The following TENT4B variants were observed in gnomAD, a reference collection of about 807,000 sequenced individuals.
TENT4B encodes PAP associated domain containing 5.
In TENT4B, 10 loss-of-function variants were observed where a neutral mutation model predicts 75.0. The ratio of observed to expected loss-of-function variants is 0.13; its 90% CI spans 0.08 to 0.23. The LOEUF (loss-of-function observed/expected upper bound fraction) is 0.23, where lower values mean the gene tolerates loss of function less well. Ranked by LOEUF, TENT4B falls within the 10% of genes least tolerant of loss-of-function variation. The probability of loss-of-function intolerance (pLI) is 1.00; values close to 1 mark genes in which losing one functional copy is unlikely to be tolerated. For synonymous variants in TENT4B, 350 were observed against 357.7 expected, an observed-to-expected ratio of 0.98 and a Z score of 0.24; for missense variants, 579 against 893.8, an observed-to-expected ratio of 0.65 and a Z score of 4.49.
intron 1 of TENT4B, among the ~76,000 whole-genome samples, chr16:50,161,974 C>T (rs1343231546): frequency 2.0e-5 from 3 of 152,100 alleles, no homozygotes; most frequent in Admixed American, 6.5e-5. Context: ...TATAGCCGCA[C>T]GCACCCTTCC....
At position 50,225,200 on chromosome 16, in the gene TENT4B, C is replaced by G; in HGVS notation, c.1715C>G (p.Ser572Trp). ...EALGKCRSKT[S>W]ESLSKHSSNS... The stretch of plus-strand genomic sequence containing the variant: ...CTTGGAAAATGTAGAAGTAAAACCT[C>G]GGAATCTCTTAGTAAACACTCTTCA... Residue 572 changes from serine to tryptophan, a missense_variant, in exon 10 of 12, where the codon TCG (serine) becomes TGG (tryptophan). This residue lies in a region of TENT4B where 164 missense variants were observed against 226.5 expected (regional missense o/e 0.72). Transcript: ENST00000561678. The G allele has an allele frequency of 6.2e-7, 1 of 1,613,948 alleles. No individual in the cohort carries two copies. The highest frequency in any genetic ancestry group is 1.1e-5 in the South Asian group (1 of 91,082).
rs2032341272 is a variant in TENT4B at position 50,233,034 on chromosome 16, C to G, written c.*3706C>G. On this transcript the variant is annotated 3_prime_UTR_variant, in exon 12 of 12. Coordinates refer to ENST00000561678, the MANE Select transcript of TENT4B (RefSeq NM_001365324.3). ...ATTCTTGTTCTCCTAGTTCATTAAA[C>G]TTTCAGTTATTGGAAAGGCACATTC... is the stretch of plus-strand genomic sequence containing the variant. 1.0e-6 allele frequency: 1 copy of G among 984,728 alleles called. No individual in the cohort carries two copies. The allele number at this position is 984,728 out of a possible 1,614,324, so 61.0% of individuals were successfully genotyped here.
intron 1 of TENT4B, among the ~76,000 whole-genome samples, chr16:50,163,417 CT>C (rs559720798): frequency 0.028 from 3,763 of 132,938 alleles, 35 homozygotes; most frequent in African/African-American, 0.061. Context: ...GATATAATTT[CT>C]TTTTTTTTTT....
At chr16:50,183,992 T>C (rs1446714669) in intron 1 of TENT4B, among the ~76,000 whole-genome samples, 1 of 152,206 alleles carries the variant, frequency 6.6e-6, no homozygotes, top group African/African-American at 2.4e-5. Flanking sequence ...CCAGAATAAG[T>C]TGTAGAACAT....
chr16:50,203,163 A>G (rs922751779), intron 1 of TENT4B, among the ~76,000 whole-genome samples: 2 of 152,242 alleles, frequency 1.3e-5, no homozygotes, highest in Non-Finnish European at 2.9e-5. Context: ...TGCAGCATTC[A>G]TAAAAGTAAG....
At chr16:50,160,693 G>A (rs755020736) in intron 1 of TENT4B, among the ~76,000 whole-genome samples, 9 of 152,240 alleles carry the variant, frequency 5.9e-5, no homozygotes, top group African/African-American at 2.2e-4. Flanking sequence ...CACAGGAAGG[G>A]TATAGACGTC....
intron 1 of TENT4B, among the ~76,000 whole-genome samples, chr16:50,211,095 C>T (rs1163248907): frequency 3.3e-5 from 5 of 152,134 alleles, no homozygotes; most frequent in Non-Finnish European, 7.3e-5. Context: ...ATTTAAATCA[C>T]CAGCACCCCA....
In TENT4B at chr16:50,233,669, GTC is replaced by G; in HGVS notation, c.*4346_*4347del. 3 of 975,198 alleles carry G rather than the reference GTC, an allele frequency of 3.1e-6. No homozygotes were observed. The highest frequency in any genetic ancestry group is 9.7e-5 in the South Asian group (2 of 20,566). The allele number at this position is 975,198 out of a possible 1,614,324, so 60.4% of individuals were successfully genotyped here. ...ATAAACTGCTAATGTTTATTTTACT[GTC>G]TCTCAGGTTTTTGGTTTTTTTAAAA... On this transcript the variant is annotated 3_prime_UTR_variant, in exon 12 of 12. Coordinates refer to ENST00000561678, the MANE Select transcript of TENT4B (RefSeq NM_001365324.3).
Position 50,230,149 on chromosome 16 carries a change from T to C in TENT4B, c.*821T>C. 2 of 985,158 alleles carry C rather than the reference T, an allele frequency of 2.0e-6. No homozygotes were observed. The highest frequency in any genetic ancestry group is 2.4e-6 in the Non-Finnish European group (2 of 829,728). 61.0% of individuals were successfully genotyped at this position (985,158 alleles called of 1,614,324 possible). ...AAAAAAAAAATGTACTATGTACTTT[T>C]GTGTAAACACTGAAAAATCTCTGGT... On this transcript the variant is annotated 3_prime_UTR_variant, in exon 12 of 12. Transcript: ENST00000561678.
chr16:50,226,843 C>T (rs914273677), intron 10 of TENT4B, among the ~76,000 whole-genome samples: 1 of 152,186 alleles, frequency 6.6e-6, no homozygotes, highest in Non-Finnish European at 1.5e-5. Flanking sequence ...ATTTCCATCA[C>T]CCCAAGAAGA....
At chr16:50,211,570 A>G (rs1183107634) in intron 2 of TENT4B, 124 bp downstream of exon 2, 3 of 1,145,738 alleles carry the variant, frequency 2.6e-6, no homozygotes, top group East Asian at 3.3e-5. Flanking sequence ...GTTGTGGTCT[A>G]ATTAAATTTT....
intron 2 of TENT4B, among the ~76,000 whole-genome samples, chr16:50,211,791 C>T (rs1380363877): frequency 6.6e-6 from 1 of 152,158 alleles, no homozygotes; most frequent in African/African-American, 2.4e-5. Context: ...ATCAAAACCT[C>T]ATTACTACTT....
chr16:50,168,229 G>GTTCATTTTTCTTTTGAATTACTGCCTTTT (rs1192959257), intron 1 of TENT4B, among the ~76,000 whole-genome samples: 9 of 151,064 alleles, frequency 6.0e-5, no homozygotes, highest in African/African-American at 1.9e-4. Flanking sequence ...TACTGCCTTT[G>GTTCATTTTTCTTTTGAATTACTGCCTTTT]TTCATTTTTC....
chr16:50,222,419 A>G lies in TENT4B; in HGVS notation c.1152A>G (p.Ala384=), dbSNP rs1305524366. The change falls in exon 6 of 12, where the codon GCA becomes GCG. Residue 384 remains alanine (A), a synonymous_variant. Coordinates refer to ENST00000561678, the MANE Select transcript of TENT4B (RefSeq NM_001365324.3). ...GTTCTTATAGTCTCTTTTTAATGGC[A>G]GTCAGTTTCCTTCAGGTAAGTCATA... ...GIGSYSLFLM[A]VSFLQLHPRE... 1 of 1,613,356 alleles carries G rather than the reference A, an allele frequency of 6.2e-7. No individual in the cohort carries two copies. The highest frequency in any genetic ancestry group is 8.5e-7 in the Non-Finnish European group (1 of 1,179,668).
chr16:50,222,230 C>G (rs933995384), intron 5 of TENT4B, 76 bp from the exon 6 acceptor site: 2 of 1,339,782 alleles, frequency 1.5e-6, no homozygotes, highest in Non-Finnish European at 2.0e-6. Context: ...AATGTAAGGA[C>G]CAATTTATGC....
At position 50,164,598 on chromosome 16, in the gene TENT4B, C is replaced by T. The variant is rs772590441; in HGVS notation, c.638+10339C>T. On this transcript the variant is annotated intron_variant, in intron 1 of 11. Coordinates refer to ENST00000561678, the MANE Select transcript of TENT4B (RefSeq NM_001365324.3). The stretch of plus-strand genomic sequence containing the variant: ...CTGGGATTACAGGTGTGAGCCACTG[C>T]GCCTGGCCTGTTGTTGTTTAAATAA... 2.6e-5 allele frequency among the ~76,000 whole-genome samples: 4 copies of T among 152,228 alleles called. No individual in the cohort carries two copies. In the South Asian group the frequency reaches 6.2e-4, roughly 24 times the overall value.
At chr16:50,176,643 A>G (rs2038317061) in intron 1 of TENT4B, among the ~76,000 whole-genome samples, 1 of 150,926 alleles carries the variant, frequency 6.6e-6, no homozygotes, top group Non-Finnish European at 1.5e-5. Context: ...AGCAGCTGGG[A>G]CTACAGGCAT....
rs1485548996 is a variant in TENT4B at position 50,234,080 on chromosome 16, G to GTATTTTGGGGGAATGT, written c.*4758_*4773dup. The GTATTTTGGGGGAATGT allele has an allele frequency of 1.0e-6, 1 of 985,394 alleles. No individual in the cohort carries two copies. Among genetic ancestry groups the GTATTTTGGGGGAATGT allele is most frequent in the East Asian group, 1.1e-4 (1 of 8,816 alleles). 61.0% of individuals were successfully genotyped at this position (985,394 alleles called of 1,614,324 possible). ...GGTCTCTCCTAAGGACAGTCTGGAC[G>GTATTTTGGGGGAATGT]TATTTTGGGGGAATGTTATTTATCT... is the stretch of plus-strand genomic sequence containing the variant. On this transcript the variant is annotated 3_prime_UTR_variant, in exon 12 of 12. Coordinates refer to ENST00000561678, the MANE Select transcript of TENT4B (RefSeq NM_001365324.3).
chr16:50,219,481 C>G (rs1397643601), intron 5 of TENT4B, among the ~76,000 whole-genome samples: 3 of 152,106 alleles, frequency 2.0e-5, no homozygotes, highest in African/African-American at 7.2e-5. Flanking sequence ...CAGTATTGTT[C>G]CAGTTTTCTT....
Sources: gnomAD v4.1 joint callset for allele counts (sites outside exome capture counted in the v4.1 genomes callset) on GRCh38, gnomAD v4.1.1 for gene constraint, gnomAD v4.1.1 regional missense constraint, MANE v1.5 for transcripts, NCBI Gene and HGNC (gene_info 2026-07-23, HGNC 2026-07-21) for gene names.